Variants in TNIK observed in about 807,000 individuals in gnomAD.
TNIK encodes the protein TRAF2 and NCK interacting kinase, also known as TRAF2 and NCK-interacting protein kinase.
A neutral mutation model predicts 191.3 loss-of-function variants in TNIK; 49 were observed. The observed-to-expected ratio is 0.26, with a 90% confidence interval of 0.20 to 0.32. The LOEUF is 0.32. TNIK is among the 10% of genes least tolerant of loss of function. TNIK has a pLI of 1.00. For synonymous variants in TNIK, 594 were observed against 600.9 expected, an observed-to-expected ratio of 0.99 and a Z score of 0.17; for missense variants, 1,155 against 1,702.3, an observed-to-expected ratio of 0.68 and a Z score of 5.66.
intron 2 of TNIK, among the ~76,000 whole-genome samples, chr3:171,258,602 T>A (rs1264931994): frequency 5.3e-5 from 8 of 152,040 alleles, no homozygotes; most frequent in African/African-American, 1.9e-4. Flanking sequence ...CTCCTCTTGG[T>A]CAGGGTCAGC....
chr3:171,333,339 T>C (rs1186596923), intron 2 of TNIK, among the ~76,000 whole-genome samples: 3 of 151,930 alleles, frequency 2.0e-5, no homozygotes, highest in Admixed American at 1.3e-4. Context: ...GCAGATCACC[T>C]GAGGTTAGGA....
chr3:171,424,445 A>T (rs1724255505), intron 1 of TNIK, among the ~76,000 whole-genome samples: 1 of 152,198 alleles, frequency 6.6e-6, no homozygotes, highest in Admixed American at 6.5e-5. Context: ...GGGATCTAGA[A>T]CTAGAAATAC....
chr3:171,453,477 G>A (rs1473814426), intron 1 of TNIK, among the ~76,000 whole-genome samples: 1 of 152,126 alleles, frequency 6.6e-6, no homozygotes, highest in Non-Finnish European at 1.5e-5. Flanking sequence ...GGGAGTGGTC[G>A]TCAAAACTGC....
At chr3:171,422,942 T>C (rs1724024615) in intron 1 of TNIK, among the ~76,000 whole-genome samples, 1 of 152,234 alleles carries the variant, frequency 6.6e-6, no homozygotes, top group African/African-American at 2.4e-5. Context: ...GTGATTCTAA[T>C]TGCCATTTTA....
chr3:171,380,762 G>A (rs575379842), intron 1 of TNIK, among the ~76,000 whole-genome samples: 2 of 152,368 alleles, frequency 1.3e-5, no homozygotes, highest in Non-Finnish European at 2.9e-5. Context: ...GAAAGGGGCA[G>A]GGTTAATGCC....
chr3:171,188,777 G>C lies in TNIK; in HGVS notation c.564C>G (p.Phe188Leu). Residue 188 changes from phenylalanine (F) to leucine (L), a missense_variant, in exon 7 of 33, where the codon TTC becomes TTG. Coordinates refer to ENST00000436636, the MANE Select transcript of TNIK (RefSeq NM_015028.4). ...GTGCCATCCAGTAGGGAGTTCCAAT[G>C]AAAGTATTCCTCCTGCCCACTGTTC... is the stretch of plus-strand genomic sequence containing the variant. ...LDRTVGRRNT[F>L]IGTPYWMAPE... 3 of 1,613,680 alleles carry C rather than the reference G, an allele frequency of 1.9e-6. No individual in the cohort carries two copies. The highest frequency in any genetic ancestry group is 2.5e-6 in the Non-Finnish European group (3 of 1,179,654).
intron 30 of TNIK, among the ~76,000 whole-genome samples, chr3:171,068,552 A>C (rs1053318099): frequency 6.6e-6 from 1 of 152,258 alleles, no homozygotes; most frequent in South Asian, 2.1e-4. Context: ...TCTACCGAAT[A>C]TAATTCATGC....
chr3:171,359,092 C>T (rs1714598382), intron 2 of TNIK, among the ~76,000 whole-genome samples: 1 of 152,046 alleles, frequency 6.6e-6, no homozygotes, highest in African/African-American at 2.4e-5. Context: ...ATTGTATGCT[C>T]ACTTAAAATG....
Position 171,185,458 on chromosome 3 carries a change from C to T in TNIK, c.639+3244G>A, listed in dbSNP as rs12630757. ...AATCTTTTGAATGCTTATTATTAAA[C>T]GGGAAAGCTTTCATTATTGCCCCAC... On this transcript the variant is annotated intron_variant, in intron 7 of 32. Coordinates refer to ENST00000436636, the MANE Select transcript of TNIK (RefSeq NM_015028.4). 6.4e-4 allele frequency among the ~76,000 whole-genome samples: 98 copies of T among 152,304 alleles called. No individual in the cohort carries two copies. In the East Asian group the frequency reaches 0.014, roughly 22 times the overall value.
chr3:171,325,107 T>A (rs9837533), intron 2 of TNIK, among the ~76,000 whole-genome samples: 2,401 of 151,656 alleles, frequency 0.016, 59 homozygotes, highest in African/African-American at 0.054. Context: ...TCAAAATAAA[T>A]AAATAAATAA....
intron 2 of TNIK, among the ~76,000 whole-genome samples, chr3:171,326,497 G>A (rs1325068061): frequency 6.6e-6 from 1 of 152,126 alleles, no homozygotes; most frequent in Non-Finnish European, 1.5e-5. Flanking sequence ...TAATTACTTA[G>A]ATTTTGATAA....
intron 17 of TNIK, among the ~76,000 whole-genome samples, chr3:171,124,602 T>C (rs1271272523): frequency 3.3e-5 from 5 of 152,242 alleles, no homozygotes; most frequent in Non-Finnish European, 7.3e-5. Context: ...ATCCTTTGTT[T>C]TGAAAATTTA....
intron 27 of TNIK, among the ~76,000 whole-genome samples, chr3:171,080,834 A>G (rs1460113261): frequency 1.3e-5 from 2 of 152,246 alleles, no homozygotes; most frequent in African/African-American, 4.8e-5. Context: ...TCAGTATTCA[A>G]TTTTGTAACC....
intron 2 of TNIK, among the ~76,000 whole-genome samples, chr3:171,337,342 A>G (rs889034171): frequency 2.0e-5 from 3 of 152,236 alleles, no homozygotes; most frequent in African/African-American, 7.2e-5. Context: ...AAGTCGCAAG[A>G]GGAACGGAAA....
At chr3:171,073,416 C>G (rs951006639) in intron 28 of TNIK, among the ~76,000 whole-genome samples, 2 of 151,950 alleles carry the variant, frequency 1.3e-5, no homozygotes, top group Non-Finnish European at 2.9e-5. Context: ...GTACCCAAAA[C>G]TATAATAAGA....
chr3:171,316,730 T>C (rs1017370374), intron 2 of TNIK, among the ~76,000 whole-genome samples: 1 of 151,824 alleles, frequency 6.6e-6, no homozygotes, highest in African/African-American at 2.4e-5. Flanking sequence ...AAGGAAAAAA[T>C]ATATAGGAAT....
At chr3:171,087,794 G>T (rs1332684274) in intron 23 of TNIK, among the ~76,000 whole-genome samples, 1 of 152,234 alleles carries the variant, frequency 6.6e-6, no homozygotes, top group African/African-American at 2.4e-5. Flanking sequence ...TACAAAAAGG[G>T]AGGGACTGAG....
intron 4 of TNIK, among the ~76,000 whole-genome samples, chr3:171,196,348 A>C (rs1738667980): frequency 6.6e-6 from 1 of 152,194 alleles, no homozygotes; most frequent in South Asian, 2.1e-4. Flanking sequence ...AAAAAAATAA[A>C]TAAATAAAAA....
chr3:171,335,668 C>T (rs1756886631), intron 2 of TNIK, among the ~76,000 whole-genome samples: 1 of 152,082 alleles, frequency 6.6e-6, no homozygotes. Flanking sequence ...TTCCATTTTC[C>T]ATTTGATAAG....
Sources: gnomAD v4.1 joint callset for allele counts (sites outside exome capture counted in the v4.1 genomes callset) on GRCh38, gnomAD v4.1.1 for gene constraint, MANE v1.5 for transcripts, NCBI Gene and HGNC (gene_info 2026-07-23, HGNC 2026-07-21) for gene names.